SLC22A23: variants seen among roughly 807,000 people sequenced by gnomAD.
The protein encoded by SLC22A23 is solute carrier family 22 member 23, also known as ion transporter protein.
SLC22A23 carries 26 observed loss-of-function variants against 61.0 expected under a neutral mutation model. The observed-to-expected ratio is 0.43, with a 90% confidence interval of 0.31 to 0.59. The LOEUF is 0.59. Among genes scored for constraint, SLC22A23 ranks in the 20% least tolerant of loss-of-function variants. SLC22A23 has a pLI of 0.11. For missense variants in SLC22A23, 796 were observed against 934.7 expected, an observed-to-expected ratio of 0.85 and a Z score of 1.94; for synonymous variants, 430 against 413.9, an observed-to-expected ratio of 1.04 and a Z score of -0.47.
chr6:3,341,261 G>T (rs940457368), intron 3 of SLC22A23, among the ~76,000 whole-genome samples: 1 of 152,158 alleles, frequency 6.6e-6, no homozygotes, highest in African/African-American at 2.4e-5. Context: ...AAATATGAAG[G>T]ATTGAAATGC....
intron 3 of SLC22A23, among the ~76,000 whole-genome samples, chr6:3,405,611 C>G (rs1332713851): frequency 6.9e-6 from 1 of 144,882 alleles, no homozygotes; most frequent in Non-Finnish European, 1.5e-5. Flanking sequence ...CCATTTGGCT[C>G]AGTCAAATTT....
chr6:3,277,183 T>C lies in SLC22A23; in HGVS notation c.1704-3771A>G, dbSNP rs565865972. ...ACCAGAGCTGGAGAGGTTCAAGAAC[T>C]GGGAGGCGAACAGGATGAGCCTCTC... On this transcript the variant is annotated intron_variant, in intron 9 of 9. Transcript: ENST00000406686. Among the ~76,000 whole-genome samples, 10 of 152,130 alleles carry C rather than the reference T, an allele frequency of 6.6e-5. No individual in the cohort carries two copies. The South Asian group carries it at 1.9e-3, about 28-fold the overall frequency.
intron 3 of SLC22A23, among the ~76,000 whole-genome samples, chr6:3,402,462 A>ATCACCCACACTACCCAGAGT (rs1561954701): frequency 1.9e-4 from 5 of 26,110 alleles, no homozygotes; most frequent in African/African-American, 1.4e-3. Context: ...GCTCTAGCTA[A>ATCACCCACACTACCCAGAGT]GCCCTAATCA....
intron 5 of SLC22A23, chr6:3,290,093 G>T: frequency 1.8e-6 from 1 of 570,636 alleles, no homozygotes. Context: ...GCCTGAGAGG[G>T]CACCAAGGTG....
intron 1 of SLC22A23, among the ~76,000 whole-genome samples, chr6:3,449,664 T>A (rs1772075665): frequency 3.3e-5 from 5 of 152,226 alleles, no homozygotes. Flanking sequence ...AAAGATTTGA[T>A]AATCCCCTGG....
intron 4 of SLC22A23, among the ~76,000 whole-genome samples, chr6:3,302,002 T>A (rs1457432934): frequency 6.6e-6 from 1 of 152,220 alleles, no homozygotes; most frequent in Non-Finnish European, 1.5e-5. Flanking sequence ...GGGAATAGTT[T>A]GAAAAAAGTT....
rs557775231 is a variant in SLC22A23 at position 3,455,272 on chromosome 6, C to T, written c.654+634G>A. ...AGCAGCTGCTGTGTAAGAGCGGTGA[C>T]GGCCGGGGAACACCCAAATGACATA... On this transcript the variant is annotated intron_variant, in intron 1 of 9. Transcript: ENST00000406686. Among the ~76,000 whole-genome samples, 35 of 152,348 alleles carry T rather than the reference C, an allele frequency of 2.3e-4. No homozygotes were observed. In the South Asian group the frequency reaches 7.0e-3, roughly 31 times the overall value.
Position 3,272,826 on chromosome 6 carries a change from C to A in SLC22A23, c.*229G>T. 4.3e-6 allele frequency: 2 copies of A among 459,836 alleles called. No individual in the cohort carries two copies. Among genetic ancestry groups the A allele is most frequent in the South Asian group, 4.4e-5 (1 of 22,568 alleles). The allele number at this position is 459,836 out of a possible 1,614,324, so 28.5% of individuals were successfully genotyped here. On this transcript the variant is annotated 3_prime_UTR_variant, in exon 10 of 10. Transcript: ENST00000406686. ...CGTAAAAATGACCAAAATAAATACA[C>A]ACATTTAACGGCAGAAAAGAAAGTC... is the stretch of plus-strand genomic sequence containing the variant.
At chr6:3,354,304 C>G (rs572624801) in intron 3 of SLC22A23, among the ~76,000 whole-genome samples, 25 of 152,324 alleles carry the variant, frequency 1.6e-4, no homozygotes, top group African/African-American at 5.8e-4. Flanking sequence ...TGCACATTTA[C>G]GGAGGAGCAA....
chr6:3,275,844 A>G (rs934550783), intron 9 of SLC22A23, among the ~76,000 whole-genome samples: 4 of 152,224 alleles, frequency 2.6e-5, no homozygotes, highest in African/African-American at 9.6e-5. Context: ...GGCCTCCCAA[A>G]GTGTTGGGAT....
chr6:3,279,147 T>C (rs537347798), intron 9 of SLC22A23, among the ~76,000 whole-genome samples: 1 of 152,286 alleles, frequency 6.6e-6, no homozygotes, highest in African/African-American at 2.4e-5. Context: ...AATGTACACA[T>C]GCATATATAA....
At chr6:3,273,599 C>T (rs956042061) in intron 9 of SLC22A23, among the ~76,000 whole-genome samples, 187 bp from the exon 10 acceptor site, 9 of 152,232 alleles carry the variant, frequency 5.9e-5, no homozygotes, top group East Asian at 1.9e-4. Context: ...GGCCACTCTA[C>T]GGCAGTGACT....
intron 3 of SLC22A23, among the ~76,000 whole-genome samples, chr6:3,366,434 G>A (rs1005777905): frequency 3.3e-5 from 5 of 150,898 alleles, no homozygotes; most frequent in African/African-American, 1.2e-4. Flanking sequence ...TCCACCTTGT[G>A]AGCCATGGTA....
intron 3 of SLC22A23, among the ~76,000 whole-genome samples, chr6:3,383,227 T>G (rs1184263012): frequency 6.6e-6 from 1 of 152,244 alleles, no homozygotes; most frequent in Non-Finnish European, 1.5e-5. Flanking sequence ...ACACACGGTA[T>G]GATTTGACTT....
At position 3,284,951 on chromosome 6, in the gene SLC22A23, G is replaced by T. The variant is rs962785031; in HGVS notation, c.1579+128C>A. 6 of 1,548,466 alleles carry T rather than the reference G, an allele frequency of 3.9e-6. No homozygotes were observed. In the African/African-American group the frequency reaches 6.8e-5, roughly 18 times the overall value. ...AGTGTCCAACCTACGGCCAACTTCAGCTGCAGTTCTTGGAGGGCAACGGGG... is the reference window on the plus strand; with the variant it reads ...AGTGTCCAACCTACGGCCAACTTCATCTGCAGTTCTTGGAGGGCAACGGGG... On this transcript the variant is annotated intron_variant, in intron 8 of 9. Transcript: ENST00000406686.
rs114370265 is a variant in SLC22A23, at chr6:3,358,196, A to G, written c.914-34194T>C. On this transcript the variant is annotated intron_variant, in intron 3 of 9. Transcript: ENST00000406686. ...AAAAAACTAAAACTAGAACTGCCAT[A>G]TGATCCAGTGATTCTACTTCCAGGT... is the stretch of plus-strand genomic sequence containing the variant. Among the ~76,000 whole-genome samples the G allele has an allele frequency of 2.4e-3, 362 of 152,302 alleles. 2 individuals carry two copies. The highest frequency in any genetic ancestry group is 3.1e-3 in the Non-Finnish European group (213 of 68,020).
At chr6:3,273,651 TTTTC>T (rs533540630) in intron 9 of SLC22A23, among the ~76,000 whole-genome samples, 115 of 152,378 alleles carry the variant, frequency 7.5e-4, no homozygotes, top group Middle Eastern at 3.4e-3. Context: ...TAATTTATCT[TTTTC>T]TTTAATGTTT....
chr6:3,438,118 C>T (rs1771343778), intron 1 of SLC22A23, among the ~76,000 whole-genome samples: 1 of 152,092 alleles, frequency 6.6e-6, no homozygotes, highest in African/African-American at 2.4e-5. Flanking sequence ...AGCTAAGTCT[C>T]CCCTGCCACC....
chr6:3,282,414 C>A, intron 9 of SLC22A23: 2 of 672,302 alleles, frequency 3.0e-6, no homozygotes, highest in Admixed American at 2.1e-5. Flanking sequence ...TCAGGCTGGG[C>A]CTGTAGGATA....
Sources: allele counts gnomAD v4.1 joint callset (sites outside exome capture counted in the v4.1 genomes callset), GRCh38; gene constraint gnomAD v4.1.1; transcripts MANE v1.5; gene names NCBI Gene and HGNC (gene_info 2026-07-23, HGNC 2026-07-21).